Variants in PDE8B observed in about 807,000 individuals in gnomAD.
PDE8B encodes the protein high affinity cAMP-specific and IBMX-insensitive 3',5'-cyclic phosphodiesterase 8B.
Under a neutral mutation model 101.3 loss-of-function variants are expected in PDE8B, and 26 were observed. The observed-to-expected ratio is 0.26, with a 90% CI of 0.19 to 0.36. PDE8B has a LOEUF of 0.36. PDE8B is among the 10% of genes least tolerant of loss of function. PDE8B has a pLI of 1.00. For synonymous variants in PDE8B, 424 were observed against 429.3 expected (o/e 0.99, Z 0.15); for missense variants, 810 against 1,163.1 (o/e 0.70, Z 4.42).
At chr5:77,155,731 G>C in the PDE8B span, among the ~76,000 whole-genome samples, 1 of 152,128 alleles carries the variant, frequency 6.6e-6, no homozygotes, top group Non-Finnish European at 1.5e-5. Flanking sequence ...CTAACTTGCC[G>C]ATGATGGTAT....
chr5:77,223,292 G>T (rs1396806090), intron 1 of PDE8B, among the ~76,000 whole-genome samples: 1 of 151,296 alleles, frequency 6.6e-6, no homozygotes, highest in African/African-American at 2.4e-5. Context: ...GTGCAGGTTA[G>T]TTACATACGT....
At chr5:77,334,062 A>T (rs1186747224) in intron 5 of PDE8B, among the ~76,000 whole-genome samples, 2 of 152,192 alleles carry the variant, frequency 1.3e-5, no homozygotes, top group African/African-American at 4.8e-5. Flanking sequence ...ATCAGCTGAG[A>T]CTGATCTTCA....
chr5:77,331,526 G>C (rs1023836902), intron 5 of PDE8B, 67 bp downstream of exon 5: 3 of 1,224,898 alleles, frequency 2.4e-6, no homozygotes, highest in Non-Finnish European at 3.6e-6. Flanking sequence ...TCCCATAACA[G>C]GGAAGCAAAG....
chr5:77,120,100 A>G, the PDE8B span, among the ~76,000 whole-genome samples: 2 of 152,258 alleles, frequency 1.3e-5, no homozygotes, highest in African/African-American at 4.8e-5. Flanking sequence ...GCCCAGCCAT[A>G]AAAAGGAATA....
the PDE8B span, among the ~76,000 whole-genome samples, chr5:77,124,338 C>A: frequency 6.6e-6 from 1 of 152,130 alleles, no homozygotes; most frequent in African/African-American, 2.4e-5. Flanking sequence ...ACCTGTAATA[C>A]CAGCTCTCTG....
chr5:77,280,898 AAAACAAAC>A (rs112803670), intron 1 of PDE8B, among the ~76,000 whole-genome samples: 2 of 151,840 alleles, frequency 1.3e-5, no homozygotes, highest in African/African-American at 4.8e-5. Context: ...CTCTGTCTCA[AAAACAAAC>A]AAACAAACAA....
chr5:77,142,769 CT>C, the PDE8B span, among the ~76,000 whole-genome samples: 364 of 143,750 alleles, frequency 2.5e-3, no homozygotes, highest in Middle Eastern at 3.5e-3. Flanking sequence ...TTCATGTAAT[CT>C]TTTTTTTTTT....
At chr5:77,305,402 A>G (rs1457390351) in intron 1 of PDE8B, among the ~76,000 whole-genome samples, 1 of 152,178 alleles carries the variant, frequency 6.6e-6, no homozygotes, top group Non-Finnish European at 1.5e-5. Flanking sequence ...GGGCAGCCAG[A>G]CCACAGCCAG....
chr5:77,178,829 T>A, the PDE8B span, among the ~76,000 whole-genome samples: 2 of 152,196 alleles, frequency 1.3e-5, no homozygotes, highest in African/African-American at 4.8e-5. Flanking sequence ...AGAATTTACC[T>A]CCTTTCAGTT....
the PDE8B span, among the ~76,000 whole-genome samples, chr5:77,125,195 T>G: frequency 2.0e-5 from 3 of 152,198 alleles, no homozygotes; most frequent in African/African-American, 7.2e-5. Context: ...AGGGATACAT[T>G]CTTTCTATGT....
chr5:77,422,372 C>T (rs1796851255), intron 20 of PDE8B, among the ~76,000 whole-genome samples: 1 of 152,100 alleles, frequency 6.6e-6, no homozygotes, highest in South Asian at 2.1e-4. Flanking sequence ...ACGGGGAGTT[C>T]CAGTCCAATA....
intron 1 of PDE8B, among the ~76,000 whole-genome samples, chr5:77,301,497 A>G (rs1769926607): frequency 6.6e-6 from 1 of 152,228 alleles, no homozygotes; most frequent in South Asian, 2.1e-4. Context: ...GAGGTGGATC[A>G]GAAATGAGTG....
chr5:77,387,902 C>A (rs534297589), intron 10 of PDE8B, among the ~76,000 whole-genome samples: 9 of 151,934 alleles, frequency 5.9e-5, no homozygotes, highest in Non-Finnish European at 1.0e-4. Context: ...ATGAAGTTCT[C>A]GTGCTGTGTT....
At chr5:77,419,948 T>A in intron 19 of PDE8B, 61 bp downstream of exon 19, 1 of 1,593,736 alleles carries the variant, frequency 6.3e-7, no homozygotes, top group Non-Finnish European at 8.6e-7. Context: ...GAGCCTGCTC[T>A]GGCCCTGAAG....
At position 77,293,950 on chromosome 5, in the gene PDE8B, C is replaced by T. The variant is rs933236657; in HGVS notation, c.340-18044C>T. 5.3e-5 allele frequency among the ~76,000 whole-genome samples: 8 copies of T among 152,028 alleles called. No individual in the cohort carries two copies. In the South Asian group the frequency reaches 6.2e-4, roughly 12 times the overall value. On this transcript the variant is annotated intron_variant, in intron 1 of 21. Coordinates refer to ENST00000264917, the MANE Select transcript of PDE8B (RefSeq NM_003719.5). ...TCTTTGTGTATGTTGGATATAAGTC[C>T]GGTATCACATTTATGTTTGAAAATA...
intron 10 of PDE8B, among the ~76,000 whole-genome samples, chr5:77,373,158 T>C (rs910274949): frequency 7.2e-5 from 11 of 152,232 alleles, no homozygotes; most frequent in African/African-American, 2.7e-4. Flanking sequence ...GAGAACCAAC[T>C]TGTAGGCTTT....
chr5:77,346,949 C>T (rs1780250162), intron 7 of PDE8B, among the ~76,000 whole-genome samples: 1 of 152,078 alleles, frequency 6.6e-6, no homozygotes, highest in Admixed American at 6.6e-5. Flanking sequence ...TCAGGGCACT[C>T]CAATCAAATA....
At chr5:77,096,728 G>A in the PDE8B span, among the ~76,000 whole-genome samples, 695 of 152,244 alleles carry the variant, frequency 4.6e-3, 6 homozygotes, top group African/African-American at 0.016. Context: ...CGTGTTCCTC[G>A]GTTTGCAGTT....
intron 6 of PDE8B, 94 bp downstream of exon 6, chr5:77,337,409 TC>T: frequency 1.3e-6 from 1 of 752,138 alleles, no homozygotes; most frequent in Admixed American, 2.0e-5. Context: ...CATAGCTGAA[TC>T]CCAGGGATTT....
Sources: gnomAD v4.1 joint callset for allele counts (sites outside exome capture counted in the v4.1 genomes callset) on GRCh38, gnomAD v4.1.1 for gene constraint, MANE v1.5 for transcripts, NCBI Gene and HGNC (gene_info 2026-07-23, HGNC 2026-07-21) for gene names.